Variants in GPR39 observed in about 807,000 individuals in gnomAD.
GPR39 encodes the protein zinc sensing receptor.
GPR39 carries 23 observed loss-of-function variants against 18.4 expected under a neutral mutation model. The observed-to-expected ratio is 1.25, with a 90% CI of 0.90 to 1.77. GPR39 has a LOEUF of 1.77. Ranked by LOEUF, GPR39 falls within the 40% of genes most tolerant of loss-of-function variation. The probability of loss-of-function intolerance (pLI) is 0.00; values close to 1 mark genes in which losing one functional copy is unlikely to be tolerated. For synonymous variants in GPR39, 280 were observed against 257.9 expected, an observed-to-expected ratio of 1.09 and a Z score of -0.82; for missense variants, 647 against 602.4, an observed-to-expected ratio of 1.07 and a Z score of -0.78.
intron 1 of GPR39, among the ~76,000 whole-genome samples, chr2:132,570,392 T>A (rs1402468242): frequency 6.6e-6 from 1 of 152,092 alleles, no homozygotes; most frequent in African/African-American, 2.4e-5. Context: ...CCTGTTTTAA[T>A]CATCCTTATT....
At chr2:132,449,115 G>A (rs1358917867) in intron 1 of GPR39, among the ~76,000 whole-genome samples, 2 of 152,202 alleles carry the variant, frequency 1.3e-5, no homozygotes, top group Non-Finnish European at 2.9e-5. Flanking sequence ...GATAGCAGGT[G>A]GGCAGAAACT....
intron 1 of GPR39, among the ~76,000 whole-genome samples, chr2:132,522,999 C>T (rs1340481228): frequency 6.6e-6 from 1 of 151,746 alleles, no homozygotes; most frequent in Non-Finnish European, 1.5e-5. Flanking sequence ...CCACCCCATA[C>T]AGGGCAGAGC....
intron 1 of GPR39, among the ~76,000 whole-genome samples, chr2:132,494,968 C>A (rs557266095): frequency 6.6e-6 from 1 of 152,056 alleles, no homozygotes; most frequent in African/African-American, 2.4e-5. Flanking sequence ...TGACTTTACA[C>A]GTAAAGGGAG....
chr2:132,587,014 G>T (rs1466930138), intron 1 of GPR39, among the ~76,000 whole-genome samples: 1 of 152,192 alleles, frequency 6.6e-6, no homozygotes, highest in Non-Finnish European at 1.5e-5. Context: ...GAGTTTATAT[G>T]TTCAATCTGG....
chr2:132,430,842 G>A (rs1680212975), intron 1 of GPR39, among the ~76,000 whole-genome samples: 2 of 152,222 alleles, frequency 1.3e-5, no homozygotes, highest in Non-Finnish European at 2.9e-5. Context: ...ACCTTCGTAA[G>A]CTTAGTGATG....
At chr2:132,458,727 G>A (rs1355768973) in intron 1 of GPR39, among the ~76,000 whole-genome samples, 1 of 151,974 alleles carries the variant, frequency 6.6e-6, no homozygotes, top group Non-Finnish European at 1.5e-5. Context: ...TAGGAAATTT[G>A]TGTAGGGAAG....
intron 1 of GPR39, among the ~76,000 whole-genome samples, chr2:132,471,238 T>C (rs920317811): frequency 3.3e-5 from 5 of 151,984 alleles, no homozygotes; most frequent in African/African-American, 4.8e-5. Context: ...GGAAATGAGA[T>C]GAGAATAGTC....
At chr2:132,557,193 C>A (rs1680168798) in intron 1 of GPR39, among the ~76,000 whole-genome samples, 1 of 152,068 alleles carries the variant, frequency 6.6e-6, no homozygotes. Context: ...TTGGTGGGCA[C>A]CTGTAATCCC....
intron 1 of GPR39, among the ~76,000 whole-genome samples, chr2:132,600,829 G>A (rs184972108): frequency 2.0e-5 from 3 of 152,188 alleles, no homozygotes; most frequent in Admixed American, 2.0e-4. Context: ...GGCACAAGTG[G>A]TTTTTGTTTA....
In GPR39 at chr2:132,416,925, G is replaced by A; in HGVS notation, c.-118G>A. ...AGTTACCTTCGCGAGGAGAACTCGA[G>A]TGAGATAAAATCGTGCGCCCACGCA... is the stretch of plus-strand genomic sequence containing the variant. On this transcript the variant is annotated 5_prime_UTR_variant, in exon 1 of 2. In the 5' UTR this introduces an upstream ATG that the reference lacks. Transcript: ENST00000329321. 1 of 1,274,970 alleles carries A rather than the reference G, an allele frequency of 7.8e-7. No homozygotes were observed. Among genetic ancestry groups the A allele is most frequent in the South Asian group, 1.4e-5 (1 of 70,772 alleles). 79.0% of individuals were successfully genotyped at this position (1,274,970 alleles called of 1,614,324 possible).
chr2:132,640,455 T>TC (rs1322952371), intron 1 of GPR39, among the ~76,000 whole-genome samples: 1 of 152,186 alleles, frequency 6.6e-6, no homozygotes, highest in African/African-American at 2.4e-5. Context: ...AGAAGGTATT[T>TC]CATAGCCCAG....
intron 1 of GPR39, among the ~76,000 whole-genome samples, chr2:132,641,293 C>G (rs1681852516): frequency 6.6e-6 from 1 of 152,196 alleles, no homozygotes; most frequent in South Asian, 2.1e-4. Context: ...CTCGCTATAG[C>G]TGAGAATGCA....
At chr2:132,550,629 T>G (rs1189170923) in intron 1 of GPR39, among the ~76,000 whole-genome samples, 1 of 152,210 alleles carries the variant, frequency 6.6e-6, no homozygotes, top group Non-Finnish European at 1.5e-5. Flanking sequence ...TAAAATAATT[T>G]ATTTCAGTTT....
chr2:132,568,772 C>T (rs1056841044), intron 1 of GPR39, among the ~76,000 whole-genome samples: 16 of 152,070 alleles, frequency 1.1e-4, no homozygotes, highest in Non-Finnish European at 1.8e-4. Flanking sequence ...CCCCAGCCCT[C>T]TAGTTGGGGA....
chr2:132,643,321 G>T (rs1681897486), intron 1 of GPR39, among the ~76,000 whole-genome samples: 1 of 152,190 alleles, frequency 6.6e-6, no homozygotes, highest in Non-Finnish European at 1.5e-5. Flanking sequence ...GTTTTAGGCT[G>T]GGAGTTGACA....
intron 1 of GPR39, among the ~76,000 whole-genome samples, chr2:132,623,611 C>T (rs533570337): frequency 6.6e-6 from 1 of 152,214 alleles, no homozygotes; most frequent in African/African-American, 2.4e-5. Context: ...AAACCTGGCT[C>T]CTCACTAACT....
chr2:132,583,404 A>C (rs2104825026), intron 1 of GPR39, among the ~76,000 whole-genome samples: 1 of 145,304 alleles, frequency 6.9e-6, no homozygotes, highest in East Asian at 2.0e-4. Flanking sequence ...AAAGTGCCAA[A>C]GCTGGGCACA....
intron 1 of GPR39, among the ~76,000 whole-genome samples, chr2:132,446,055 GTGGGCAAGTCT>G (rs1301597392): frequency 6.6e-6 from 1 of 152,218 alleles, no homozygotes; most frequent in African/African-American, 2.4e-5. Flanking sequence ...AGAGAAGCAT[GTGGGCAAGTCT>G]TGAAATAACA....
chr2:132,566,376 C>T lies in GPR39; in HGVS notation c.857-78725C>T, dbSNP rs1680350390. 2.0e-5 allele frequency among the ~76,000 whole-genome samples: 3 copies of T among 151,314 alleles called. No individual in the cohort carries two copies. In the South Asian group the frequency reaches 6.3e-4, roughly 32 times the overall value. On this transcript the variant is annotated intron_variant, in intron 1 of 1. Coordinates refer to ENST00000329321, the MANE Select transcript of GPR39 (RefSeq NM_001508.3). The stretch of plus-strand genomic sequence containing the variant: ...TGCCTGTTCACTCTGATGGTAGTTT[C>T]TTTTGCTGTGCAGAAGCTCTTTAGT...
Sources: allele counts gnomAD v4.1 joint callset (sites outside exome capture counted in the v4.1 genomes callset), GRCh38; gene constraint gnomAD v4.1.1; transcripts MANE v1.5; gene names NCBI Gene and HGNC (gene_info 2026-07-23, HGNC 2026-07-21).